The following NDE1 variants were observed in gnomAD, a reference collection of about 807,000 sequenced individuals.
The protein encoded by NDE1 is nuclear distribution protein nudE homolog 1.
In NDE1, 28 loss-of-function variants were observed where a neutral mutation model predicts 43.4. That is an observed-to-expected ratio of 0.65 (90% CI 0.48 to 0.89). The LOEUF is 0.89. Among genes scored for constraint, NDE1 ranks in the 40% least tolerant of loss-of-function variants. The probability of loss-of-function intolerance (pLI) is 0.00; values close to 1 mark genes in which losing one functional copy is unlikely to be tolerated. For synonymous variants in NDE1, 184 were observed against 172.0 expected, an observed-to-expected ratio of 1.07 and a Z score of -0.55; for missense variants, 441 against 434.1, an observed-to-expected ratio of 1.02 and a Z score of -0.14.
chr16:15,667,160 C>T (rs552625127), intron 2 of NDE1, 126 bp from the exon 3 acceptor site: 8 of 1,070,842 alleles, frequency 7.5e-6, no homozygotes, highest in African/African-American at 1.6e-5. Context: ...GCAGGAGAAT[C>T]GCTTGAACCT....
At chr16:15,709,332 G>GT (rs1285266233) in intron 8 of NDE1, among the ~76,000 whole-genome samples, 1 of 150,782 alleles carries the variant, frequency 6.6e-6, no homozygotes, top group Non-Finnish European at 1.5e-5. Flanking sequence ...AGGATAAGCA[G>GT]TTTTTTGATA....
intron 3 of NDE1, among the ~76,000 whole-genome samples, chr16:15,673,579 C>T (rs920516849): frequency 6.6e-6 from 1 of 150,510 alleles, no homozygotes; most frequent in African/African-American, 2.5e-5. Flanking sequence ...TTGGCCTGGG[C>T]TAGAGTGCAG....
intron 5 of NDE1, 142 bp downstream of exon 5, chr16:15,687,653 G>C: frequency 2.4e-6 from 2 of 828,332 alleles, no homozygotes; most frequent in Admixed American, 3.8e-5. Flanking sequence ...AGAGGGTGTC[G>C]GACTGCACTG....
At chr16:15,644,181 C>T (rs1022460733) in intron 1 of NDE1, among the ~76,000 whole-genome samples, 1 of 152,120 alleles carries the variant, frequency 6.6e-6, no homozygotes, top group Non-Finnish European at 1.5e-5. Context: ...TAAATGCTAC[C>T]TTAGGAGTTT....
At chr16:15,705,459 G>T (rs1236986954) in intron 8 of NDE1, among the ~76,000 whole-genome samples, 1 of 152,198 alleles carries the variant, frequency 6.6e-6, no homozygotes, top group Non-Finnish European at 1.5e-5. Context: ...GGAAAAATCA[G>T]ATCTGCCTGC....
chr16:15,653,256 G>C lies in NDE1; in HGVS notation c.-44+2962G>C, dbSNP rs191906072. 2.6e-5 allele frequency among the ~76,000 whole-genome samples: 4 copies of C among 152,238 alleles called. 1 individual carries two copies. In the East Asian group the frequency reaches 7.7e-4, roughly 29 times the overall value. ...TTGAGGTTTCCAGTTTTCCACATTC[G>C]TGAATGATGGTGTGCATCTTTGAAC... is the stretch of plus-strand genomic sequence containing the variant. On this transcript the variant is annotated intron_variant, in intron 1 of 8. Transcript: ENST00000396354.
At chr16:15,674,212 C>G (rs2037748290) in intron 3 of NDE1, among the ~76,000 whole-genome samples, 1 of 152,038 alleles carries the variant, frequency 6.6e-6, no homozygotes, top group African/African-American at 2.4e-5. Context: ...CTCCCTTTCC[C>G]TTCCTCCATC....
intron 8 of NDE1, chr16:15,720,226 C>G: frequency 6.2e-7 from 1 of 1,614,138 alleles, no homozygotes; most frequent in Non-Finnish European, 8.5e-7. Context: ...CCAGGTCTTT[C>G]AGGTCCCCTT....
chr16:15,711,120 C>G (rs547665233), intron 8 of NDE1: 1 of 152,236 alleles, frequency 6.6e-6, no homozygotes, highest in Non-Finnish European at 1.5e-5. Context: ...CACCATGCAG[C>G]GAGTGGGGCT....
chr16:15,663,379 A>G (rs1246705000), intron 1 of NDE1, among the ~76,000 whole-genome samples: 1 of 151,610 alleles, frequency 6.6e-6, no homozygotes, highest in Non-Finnish European at 1.5e-5. Context: ...AGCTGGGAGT[A>G]TGGGTGCCCG....
At chr16:15,673,524 C>T (rs1596579335) in intron 3 of NDE1, among the ~76,000 whole-genome samples, 1 of 151,510 alleles carries the variant, frequency 6.6e-6, no homozygotes, top group Non-Finnish European at 1.5e-5. Context: ...ATTTTGGTTT[C>T]GCCATGTTGC....
intron 4 of NDE1, among the ~76,000 whole-genome samples, chr16:15,685,134 T>A (rs192287651): frequency 6.6e-6 from 1 of 152,378 alleles, no homozygotes; most frequent in Non-Finnish European, 1.5e-5. Context: ...AAGCATTCTG[T>A]ACTACTCTAC....
At chr16:15,704,402 A>G (rs931123418) in intron 8 of NDE1, among the ~76,000 whole-genome samples, 2 of 150,188 alleles carry the variant, frequency 1.3e-5, no homozygotes, top group African/African-American at 5.1e-5. Flanking sequence ...CTGCTTTTCA[A>G]TATGTCAGGC....
At chr16:15,693,401 G>C (rs2038849686) in intron 6 of NDE1, among the ~76,000 whole-genome samples, 1 of 152,074 alleles carries the variant, frequency 6.6e-6, no homozygotes. Context: ...TTGTAAAGCT[G>C]GATCATCCTG....
chr16:15,707,047 A>AT (rs886568706), intron 8 of NDE1, among the ~76,000 whole-genome samples: 29 of 151,592 alleles, frequency 1.9e-4, no homozygotes, highest in African/African-American at 5.8e-4. Context: ...AGAATCTGGA[A>AT]TTTTTTTTTG....
At chr16:15,688,433 G>C (rs937931991) in intron 5 of NDE1, among the ~76,000 whole-genome samples, 1 of 151,786 alleles carries the variant, frequency 6.6e-6, no homozygotes, top group African/African-American at 2.4e-5. Flanking sequence ...TCAGGAGTTT[G>C]AGACCAGCCT....
chr16:15,706,377 G>C (rs1335426349), intron 8 of NDE1, among the ~76,000 whole-genome samples: 2 of 152,110 alleles, frequency 1.3e-5, no homozygotes, highest in East Asian at 3.9e-4. Flanking sequence ...TCCCCACACA[G>C]CTCTCTTCGT....
At chr16:15,704,826 T>C (rs1257489400) in intron 8 of NDE1, among the ~76,000 whole-genome samples, 1 of 152,202 alleles carries the variant, frequency 6.6e-6, no homozygotes, top group African/African-American at 2.4e-5. Context: ...AAGGAAATTA[T>C]ACGTGTTAAT....
Position 15,691,046 on chromosome 16 carries a change from G to A in NDE1, c.524-98G>A, listed in dbSNP as rs13335900. 7.0e-3 allele frequency: 10,274 copies of A among 1,458,752 alleles called. 530 individuals carry two copies. In the African/African-American group the frequency reaches 0.12, roughly 17 times the overall value. The allele number at this position is 1,458,752 out of a possible 1,614,324, so 90.4% of individuals were successfully genotyped here. On this transcript the variant is annotated intron_variant, in intron 5 of 8. Transcript: ENST00000396354. ...TGGTCTCGAACTCCTGACCTCAGGC[G>A]ATCCACCTGCCTTGGCCTCCCAAAG...
Sources: allele counts gnomAD v4.1 joint callset (sites outside exome capture counted in the v4.1 genomes callset), GRCh38; gene constraint gnomAD v4.1.1; transcripts MANE v1.5; gene names NCBI Gene and HGNC (gene_info 2026-07-23, HGNC 2026-07-21).